Variants in EGR4 observed in about 807,000 individuals in gnomAD.
EGR4 encodes early growth response 4, also known as early growth response protein 4.
EGR4 carries 22 observed loss-of-function variants against 25.4 expected under a neutral mutation model. That is an observed-to-expected ratio of 0.87 (90% CI 0.62 to 1.24). The LOEUF is 1.24. Among genes scored for constraint, EGR4 ranks in the 50% most tolerant of loss-of-function variants. EGR4 has a pLI of 0.00. For missense variants in EGR4, 742 were observed against 702.9 expected (o/e 1.06, Z -0.63); for synonymous variants, 375 against 320.1 (o/e 1.17, Z -1.83).
rs1689101758 is a variant in EGR4 at position 73,291,595 on chromosome 2, G to A, written c.1323C>T (p.Asp441=). 2 of 1,613,134 alleles carry A rather than the reference G, an allele frequency of 1.2e-6. No individual in the cohort carries two copies. The highest frequency in any genetic ancestry group is 1.1e-5 in the South Asian group (1 of 91,078). Residue 441 remains aspartate, a synonymous_variant, in exon 2 of 2, where the codon GAC becomes GAT. Transcript: ENST00000436467. ...TGCGCGCGAAGCGGCGGCCGCACAC[G>A]TCGCAAGCAAAAGGCTTCTCGCCGG... ...THTGEKPFAC[D]VCGRRFARSD...
chr2:73,291,409 T>TCGTG lies in EGR4; in HGVS notation c.*44_*47dup, dbSNP rs1689093398. 6.5e-7 allele frequency: 1 copy of TCGTG among 1,529,052 alleles called. No homozygotes were observed. 94.7% of individuals were successfully genotyped at this position (1,529,052 alleles called of 1,614,324 possible). ...AGCGGGGAGGGGAACGGCCCGGAACTCGTGCGCGCCGAACGGCGGCGCCCC... is the reference window on the plus strand; with the variant it reads ...AGCGGGGAGGGGAACGGCCCGGAACTCGTGCGTGCGCGCCGAACGGCGGCGCCCC... On this transcript the variant is annotated 3_prime_UTR_variant, in exon 2 of 2. Transcript: ENST00000436467.
intron 1 of EGR4, 120 bp from the exon 2 acceptor site, chr2:73,292,901 A>T: frequency 8.4e-7 from 1 of 1,187,974 alleles, no homozygotes; most frequent in Non-Finnish European, 1.1e-6. Context: ...GCACATTCTG[A>T]TTCAGCAGGG....
rs1429470685 is a variant in EGR4, at chr2:73,291,798, G to C, written c.1120C>G (p.Arg374Gly). 4 of 1,595,070 alleles carry C rather than the reference G, an allele frequency of 2.5e-6. No homozygotes were observed. In the South Asian group the frequency reaches 4.4e-5, roughly 18 times the overall value. Reference protein sequence around the residue: ...GKCSTRCFCPRPHAKAFACPV... With the variant: ...GKCSTRCFCPGPHAKAFACPV... The stretch of plus-strand genomic sequence containing the variant: ...CAAGCGAAGGCCTTGGCGTGCGGCC[G>C]CGGGCAGAAGCAGCGCGTGCTGCAT... The change falls in exon 2 of 2, where the codon CGG becomes GGG. Residue 374 changes from arginine to glycine, a missense_variant. Coordinates refer to ENST00000436467, the MANE Select transcript of EGR4 (RefSeq NM_001965.4).
rs760382951 is a variant in EGR4, at chr2:73,292,044, C to A, written c.874G>T (p.Gly292Trp). 3.1e-6 allele frequency: 5 copies of A among 1,609,014 alleles called. No individual in the cohort carries two copies. Among genetic ancestry groups the A allele is most frequent in the African/African-American group, 1.3e-5 (1 of 74,944 alleles). ...GLPGLLTPPS[G>W]EGGSSGDGGE... is the part of the protein sequence containing the mutation. ...CCGTCGCCGCTACTCCCTCCCTCCC[C>A]ACTAGGAGGGGTCAGGAGCCCAGGG... is the stretch of plus-strand genomic sequence containing the variant. Residue 292 changes from glycine to tryptophan, a missense_variant, in exon 2 of 2, where the codon GGG becomes TGG. Transcript: ENST00000436467.
At position 73,292,298 on chromosome 2, in the gene EGR4, G is replaced by A. The variant is rs976911286; in HGVS notation, c.620C>T (p.Pro207Leu). The change falls in exon 2 of 2, where the codon CCC becomes CTC. Residue 207 changes from proline (P) to leucine (L), a missense_variant. Physicochemically the swap from Pro to Leu is moderately conservative, Grantham distance 98 (BLOSUM62 -3). Transcript: ENST00000436467. ...GGCCCCCACAGAAAGCAGCTCCCAG[G>A]GCGCGTAGGGACCCTTGAAGGCAGA... ...AVSAFKGPYA[P>L]WELLSVGAPG... is the part of the protein sequence containing the mutation. 6 of 1,607,680 alleles carry A rather than the reference G, an allele frequency of 3.7e-6. No individual in the cohort carries two copies. In the Admixed American group the frequency reaches 8.4e-5, roughly 22 times the overall value.
chr2:73,291,196 GTGCCTAT>G lies in EGR4; in HGVS notation c.*254_*260del. The G allele has an allele frequency of 1.9e-6, 1 of 540,218 alleles. No homozygotes were observed. The highest frequency in any genetic ancestry group is 2.6e-5 in the South Asian group (1 of 39,102). 33.5% of individuals were successfully genotyped at this position (540,218 alleles called of 1,614,324 possible). A position where few individuals can be genotyped will look rare whatever the true frequency, so the allele number is the denominator to read the frequency against. On this transcript the variant is annotated 3_prime_UTR_variant, in exon 2 of 2. Coordinates refer to ENST00000436467, the MANE Select transcript of EGR4 (RefSeq NM_001965.4). Reference sequence around the variant, plus strand: ...AAAGACTGTCTTGAATCCCAGGGTAGTGCCTATTCACTGGGTGGTCTCAGAAGACTTC... The same window carrying G: ...AAAGACTGTCTTGAATCCCAGGGTAGTCACTGGGTGGTCTCAGAAGACTTC...
Position 73,291,782 on chromosome 2 carries a change from G to T in EGR4, c.1136C>A (p.Ala379Asp), listed in dbSNP as rs774811536. 2 of 1,598,244 alleles carry T rather than the reference G, an allele frequency of 1.3e-6. No homozygotes were observed. The highest frequency in any genetic ancestry group is 1.7e-6 in the Non-Finnish European group (2 of 1,177,636). ...RCFCPRPHAK[A>D]FACPVESCVR... ...ACAACTCTCCACCGGGCAAGCGAAG[G>T]CCTTGGCGTGCGGCCGCGGGCAGAA... Residue 379 changes from alanine to aspartate, a missense_variant, in exon 2 of 2, where the codon GCC becomes GAC. By Grantham distance (126) the Ala-to-Asp change is moderately radical (BLOSUM62 -2). Transcript: ENST00000436467.
At position 73,291,675 on chromosome 2, in the gene EGR4, A is replaced by G; in HGVS notation, c.1243T>C (p.Cys415Arg). 6.2e-7 allele frequency: 1 copy of G among 1,610,798 alleles called. No individual in the cohort carries two copies. Among genetic ancestry groups the G allele is most frequent in the Non-Finnish European group, 8.5e-7 (1 of 1,179,904 alleles). ...TGHKPFQCRICLRNFSRSDHL... is the reference protein window; with the variant it reads ...TGHKPFQCRIRLRNFSRSDHL... ...TCGCTGCGGCTGAAGTTGCGGAGGC[A>G]GATGCGGCACTGGAAGGGTTTGTGG... The change falls in exon 2 of 2, where the codon TGC (cysteine) becomes CGC (arginine). Residue 415 changes from cysteine to arginine, a missense_variant. Physicochemically the swap from Cys to Arg is radical, Grantham distance 180 (BLOSUM62 -3). Coordinates refer to ENST00000436467, the MANE Select transcript of EGR4 (RefSeq NM_001965.4).
Position 73,293,457 on chromosome 2 carries a change from C to A in EGR4, c.-140G>T. ...GGCTCCTGGCTTCGGGCACTCACCT[C>A]TGGGAAAGGAGTCGGGGAGCCGCGG... On this transcript the variant is annotated 5_prime_UTR_variant, in exon 1 of 2. Transcript: ENST00000436467. The A allele has an allele frequency of 6.6e-7, 1 of 1,517,712 alleles. No individual in the cohort carries two copies. The highest frequency in any genetic ancestry group is 8.8e-7 in the Non-Finnish European group (1 of 1,133,784). The allele number at this position is 1,517,712 out of a possible 1,614,324, so 94.0% of individuals were successfully genotyped here.
chr2:73,293,108 C>T, intron 1 of EGR4, 74 bp downstream of exon 1: 1 of 1,330,886 alleles, frequency 7.5e-7, no homozygotes. Flanking sequence ...GTCCCAGTCC[C>T]TCCTGGTTCT....
chr2:73,292,683 C>A lies in EGR4; in HGVS notation c.235G>T (p.Gly79Cys), dbSNP rs1387738355. The change falls in exon 2 of 2, where the codon GGC becomes TGC. Residue 79 changes from glycine (G) to cysteine (C), a missense_variant. Transcript: ENST00000436467. ...LEGPAPTPPP[G>C]LSYSGSFFIQ... ...AAGAAGCTACCGCTGTAGCTGAGGC[C>A]GGGAGGGGGTGTGGGCGCAGGCCCC... is the stretch of plus-strand genomic sequence containing the variant. The A allele has an allele frequency of 6.5e-7, 1 of 1,529,818 alleles. No homozygotes were observed. The highest frequency in any genetic ancestry group is 8.8e-7 in the Non-Finnish European group (1 of 1,138,316). 94.8% of individuals were successfully genotyped at this position (1,529,818 alleles called of 1,614,324 possible).
At position 73,291,615 on chromosome 2, in the gene EGR4, C is replaced by A; in HGVS notation, c.1303G>T (p.Glu435Ter). 1 of 1,613,188 alleles carries A rather than the reference C, an allele frequency of 6.2e-7. No individual in the cohort carries two copies. The highest frequency in any genetic ancestry group is 8.5e-7 in the Non-Finnish European group (1 of 1,179,922). The change falls in exon 2 of 2, where the codon GAG (glutamate) becomes TAG (stop). Residue 435 changes from glutamate (E) to a stop codon, truncating the protein, a stop_gained. Transcript: ENST00000436467. LOFTEE classifies it high-confidence loss of function. ...CACACGTCGCAAGCAAAAGGCTTCT[C>A]GCCGGTGTGGGTGCGCACGTGCGTG... ...LTTHVRTHTG[E>*]KPFACDVCGR...
rs529916035 is a variant in EGR4, at chr2:73,291,210, G to T, written c.*247C>A. The T allele has an allele frequency of 3.0e-5, 17 of 560,364 alleles. No individual in the cohort carries two copies. Among genetic ancestry groups the T allele is most frequent in the African/African-American group, 2.5e-4 (13 of 52,798 alleles). The allele number at this position is 560,364 out of a possible 1,614,324, so 34.7% of individuals were successfully genotyped here. ...ATCCCAGGGTAGTGCCTATTCACTGGGTGGTCTCAGAAGACTTCCCCCAAA... is the reference window on the plus strand; with the variant it reads ...ATCCCAGGGTAGTGCCTATTCACTGTGTGGTCTCAGAAGACTTCCCCCAAA... On this transcript the variant is annotated 3_prime_UTR_variant, in exon 2 of 2. Coordinates refer to ENST00000436467, the MANE Select transcript of EGR4 (RefSeq NM_001965.4).
At position 73,293,392 on chromosome 2, in the gene EGR4, G is replaced by T; in HGVS notation, c.-75C>A. On this transcript the variant is annotated 5_prime_UTR_variant, in exon 1 of 2. Coordinates refer to ENST00000436467, the MANE Select transcript of EGR4 (RefSeq NM_001965.4). ...GGGCGCGCGGGTGGCGGGGAGGCTG[G>T]CGGTAGGGGTTCCCCGCAGCGCACA... is the stretch of plus-strand genomic sequence containing the variant. 1 of 1,502,722 alleles carries T rather than the reference G, an allele frequency of 6.7e-7. No individual in the cohort carries two copies. Among genetic ancestry groups the T allele is most frequent in the Non-Finnish European group, 8.9e-7 (1 of 1,128,298 alleles). 93.1% of individuals were successfully genotyped at this position (1,502,722 alleles called of 1,614,324 possible).
In EGR4 at chr2:73,292,527, G is replaced by T. The variant is rs1689132261; in HGVS notation, c.391C>A (p.Pro131Thr). The T allele has an allele frequency of 1.3e-6, 2 of 1,517,618 alleles. No individual in the cohort carries two copies. The highest frequency in any genetic ancestry group is 4.6e-5 in the East Asian group (2 of 43,402). The allele number at this position is 1,517,618 out of a possible 1,614,324, so 94.0% of individuals were successfully genotyped here. Residue 131 changes from proline (P) to threonine (T), a missense_variant, in exon 2 of 2, where the codon CCT becomes ACT. Transcript: ENST00000436467. Reference protein sequence around the residue: ...ASRSPLDAPFPAGSDALLPGP... With the variant: ...ASRSPLDAPFTAGSDALLPGP... ...GGCAGCAAGGCATCGGACCCCGCAG[G>T]AAAAGGGGCATCCAGCGGGGATCTG...
At chr2:73,292,911 G>GGCCCGC (rs1266533636) in intron 1 of EGR4, 130 bp from the exon 2 acceptor site, 1 of 1,138,800 alleles carries the variant, frequency 8.8e-7, no homozygotes, top group Admixed American at 3.9e-5. Flanking sequence ...ATTCAGCAGG[G>GGCCCGC]GCCCGCATAC....
In EGR4 at chr2:73,291,691, G is replaced by T; in HGVS notation, c.1227C>A (p.Pro409=). 6.2e-7 allele frequency: 1 copy of T among 1,609,112 alleles called. No individual in the cohort carries two copies. ...RHLRIHTGHK[P]FQCRICLRNF... ...TGCGGAGGCAGATGCGGCACTGGAA[G>T]GGTTTGTGGCCCGTGTGGATGCGCA... Residue 409 remains proline (P), a synonymous_variant, in exon 2 of 2, where the codon CCC becomes CCA. Coordinates refer to ENST00000436467, the MANE Select transcript of EGR4 (RefSeq NM_001965.4).
In EGR4 at chr2:73,292,690, G is replaced by A; in HGVS notation, c.228C>T (p.Pro76=). The A allele has an allele frequency of 6.6e-7, 1 of 1,524,544 alleles. No individual in the cohort carries two copies. Among genetic ancestry groups the A allele is most frequent in the Admixed American group, 2.2e-5 (1 of 45,828 alleles). The allele number at this position is 1,524,544 out of a possible 1,614,324, so 94.4% of individuals were successfully genotyped here. A position where few individuals can be genotyped will look rare whatever the true frequency, so the allele number is the denominator to read the frequency against. ...TACCGCTGTAGCTGAGGCCGGGAGG[G>A]GGTGTGGGCGCAGGCCCCTCCAGGA... ...SCFLEGPAPT[P]PPGLSYSGSF... is the part of the protein sequence containing the mutation. Residue 76 remains proline, a synonymous_variant, in exon 2 of 2, where the codon CCC becomes CCT. Transcript: ENST00000436467.
At position 73,292,790 on chromosome 2, in the gene EGR4, G is replaced by A; in HGVS notation, c.137-9C>T. The A allele has an allele frequency of 6.9e-7, 1 of 1,441,820 alleles. No individual in the cohort carries two copies. The highest frequency in any genetic ancestry group is 9.1e-7 in the Non-Finnish European group (1 of 1,094,926). 89.3% of individuals were successfully genotyped at this position (1,441,820 alleles called of 1,614,324 possible). On this transcript the variant is annotated splice_polypyrimidine_tract_variant and intron_variant, in intron 1 of 1. Transcript: ENST00000436467. Reference sequence around the variant, plus strand: ...GCTCAAGAAGTCGCCTGCTGAGGAGGGAGCAGGAATCAGCTCTGGGCACAT... The same window carrying A: ...GCTCAAGAAGTCGCCTGCTGAGGAGAGAGCAGGAATCAGCTCTGGGCACAT...
Sources: allele counts gnomAD v4.1 joint callset, GRCh38; gene constraint gnomAD v4.1.1; transcripts MANE v1.5; gene names NCBI Gene and HGNC (gene_info 2026-07-23, HGNC 2026-07-21).